KCNJ3: variants seen among roughly 807,000 people sequenced by gnomAD.
KCNJ3 encodes G protein-activated inward rectifier potassium channel 1.
A neutral mutation model predicts 39.2 loss-of-function variants in KCNJ3; 4 were observed. The ratio of observed to expected loss-of-function variants is 0.10; its 90% CI spans 0.05 to 0.23. KCNJ3 has a LOEUF of 0.23. Among genes scored for constraint, KCNJ3 ranks in the 10% least tolerant of loss-of-function variants. The pLI, the probability that KCNJ3 is intolerant of heterozygous loss-of-function variation, is 1.00. For missense variants in KCNJ3, 276 were observed against 634.9 expected (o/e 0.43, Z 6.08); for synonymous variants, 230 against 237.4 (o/e 0.97, Z 0.29).
chr2:154,734,448 A>G (rs1558859604), intron 2 of KCNJ3, among the ~76,000 whole-genome samples: 1 of 152,188 alleles, frequency 6.6e-6, no homozygotes, highest in Admixed American at 6.6e-5. Flanking sequence ...TCCTCTGCAA[A>G]CAGTGAATTA....
At chr2:154,745,131 C>G (rs1175943122) in intron 2 of KCNJ3, among the ~76,000 whole-genome samples, 1 of 151,868 alleles carries the variant, frequency 6.6e-6, no homozygotes, top group Non-Finnish European at 1.5e-5. Flanking sequence ...GAGGCTTGTT[C>G]TATGGTCCAG....
intron 2 of KCNJ3, among the ~76,000 whole-genome samples, chr2:154,775,670 C>T (rs1686320348): frequency 6.6e-6 from 1 of 152,126 alleles, no homozygotes; most frequent in Non-Finnish European, 1.5e-5. Flanking sequence ...ATAAATGTCA[C>T]TATGTACCTC....
At chr2:154,833,839 GTTCC>G (rs1469471192) in intron 2 of KCNJ3, among the ~76,000 whole-genome samples, 1 of 151,822 alleles carries the variant, frequency 6.6e-6, no homozygotes, top group Non-Finnish European at 1.5e-5. Context: ...TGTATTTAAG[GTTCC>G]TTCATGTTTT....
chr2:154,708,761 A>G (rs957785077), intron 1 of KCNJ3, among the ~76,000 whole-genome samples: 5 of 152,324 alleles, frequency 3.3e-5, no homozygotes, highest in African/African-American at 1.2e-4. Context: ...GAACCCTAGC[A>G]TGCAAGCAAT....
intron 2 of KCNJ3, among the ~76,000 whole-genome samples, chr2:154,779,246 C>G (rs2105201843): frequency 6.6e-6 from 1 of 151,524 alleles, no homozygotes; most frequent in South Asian, 2.1e-4. Flanking sequence ...TACCTCTAGC[C>G]CAGAAGTGAT....
chr2:154,747,575 A>G (rs1413366165), intron 2 of KCNJ3, among the ~76,000 whole-genome samples: 1 of 151,906 alleles, frequency 6.6e-6, no homozygotes, highest in South Asian at 2.1e-4. Context: ...TACAAGTCTG[A>G]GCTCTCCTTA....
intron 2 of KCNJ3, among the ~76,000 whole-genome samples, chr2:154,802,202 A>G (rs2105217344): frequency 6.7e-6 from 1 of 149,710 alleles, no homozygotes; most frequent in East Asian, 2.0e-4. Context: ...TTTTTTTTCT[A>G]AGACAACAAG....
Position 154,699,123 on chromosome 2 carries a change from C to T in KCNJ3, c.348C>T (p.His116=), listed in dbSNP as rs372475497. 9 of 1,614,244 alleles carry T rather than the reference C, an allele frequency of 5.6e-6. No homozygotes were observed. The Admixed American group carries it at 6.7e-5, about 12-fold the overall frequency. Residue 116 remains histidine (H), a synonymous_variant, in exon 1 of 3, where the codon CAC becomes CAT. Transcript: ENST00000295101. This position sits in a 1 kb window ranked among gnomAD's most constrained non-coding sequence, Gnocchi z 6.4. The part of the protein sequence containing the change: ...AYTRGDLNKA[H]VGNYTPCVAN... ...CTCGGGGCGACCTGAACAAAGCCCA[C>T]GTCGGTAACTACACGCCTTGCGTGG... is the stretch of plus-strand genomic sequence containing the variant.
intron 2 of KCNJ3, among the ~76,000 whole-genome samples, chr2:154,734,694 G>C (rs976807181): frequency 4.6e-5 from 7 of 152,170 alleles, no homozygotes; most frequent in Non-Finnish European, 7.3e-5. Flanking sequence ...GAAGGAAAGA[G>C]GGTGAGGGAG....
At chr2:154,791,469 T>A (rs1201333863) in intron 2 of KCNJ3, among the ~76,000 whole-genome samples, 2 of 151,962 alleles carry the variant, frequency 1.3e-5, no homozygotes, top group Admixed American at 1.3e-4. Flanking sequence ...GAATGTGCAT[T>A]CAAGAGAGGT....
chr2:154,849,503 A>G (rs1169445799), intron 2 of KCNJ3, among the ~76,000 whole-genome samples: 2 of 151,580 alleles, frequency 1.3e-5, no homozygotes, highest in Non-Finnish European at 2.9e-5. Context: ...CTCTCCCCCA[A>G]TCTCCCGCAA....
At chr2:154,782,880 A>G (rs1343230162) in intron 2 of KCNJ3, among the ~76,000 whole-genome samples, 1 of 152,148 alleles carries the variant, frequency 6.6e-6, no homozygotes, top group Non-Finnish European at 1.5e-5. Context: ...TTTAAATCCT[A>G]AAAGAGTACT....
At chr2:154,739,872 A>G (rs1306425834) in intron 2 of KCNJ3, among the ~76,000 whole-genome samples, 1 of 152,054 alleles carries the variant, frequency 6.6e-6, no homozygotes, top group African/African-American at 2.4e-5. Flanking sequence ...CTATTTGGCA[A>G]ATAACTCAGT....
At chr2:154,727,937 T>G (rs974808997) in intron 2 of KCNJ3, among the ~76,000 whole-genome samples, 2 of 150,342 alleles carry the variant, frequency 1.3e-5, no homozygotes, top group Non-Finnish European at 3.0e-5. Flanking sequence ...ATAATATATA[T>G]TTATTTAAAG....
intron 2 of KCNJ3, among the ~76,000 whole-genome samples, chr2:154,844,929 G>C (rs1158577521): frequency 6.6e-6 from 1 of 152,084 alleles, no homozygotes; most frequent in Non-Finnish European, 1.5e-5. Context: ...TGCCCTGCCT[G>C]CTTCAGCTCG....
At chr2:154,826,455 G>A (rs922160155) in intron 2 of KCNJ3, among the ~76,000 whole-genome samples, 1 of 152,144 alleles carries the variant, frequency 6.6e-6, no homozygotes, top group Non-Finnish European at 1.5e-5. Context: ...GAAGACACTA[G>A]TCATTTGCAG....
intron 2 of KCNJ3, among the ~76,000 whole-genome samples, chr2:154,747,792 G>C (rs1423359382): frequency 2.0e-5 from 3 of 152,190 alleles, no homozygotes; most frequent in African/African-American, 7.2e-5. Context: ...ATAAAGGCCT[G>C]TTGTTTGATA....
At position 154,734,755 on chromosome 2, in the gene KCNJ3, G is replaced by GA. The variant is rs1349836533; in HGVS notation, c.919+24943dup. Among the ~76,000 whole-genome samples the GA allele has an allele frequency of 8.5e-5, 13 of 152,080 alleles. No homozygotes were observed. In the East Asian group the frequency reaches 2.3e-3, roughly 27 times the overall value. On this transcript the variant is annotated intron_variant, in intron 2 of 2. Transcript: ENST00000295101. ...CTACACATCCCTATTGATATAGAAT[G>GA]AAAAAAACATTGAGAGTGAGGTTTG...
chr2:154,846,793 T>C (rs1054826847), intron 2 of KCNJ3, among the ~76,000 whole-genome samples: 1 of 152,208 alleles, frequency 6.6e-6, no homozygotes, highest in African/African-American at 2.4e-5. Context: ...ATTTCTTCTT[T>C]TGTTCTGGGA....
Sources: gnomAD v4.1 joint callset for allele counts (sites outside exome capture counted in the v4.1 genomes callset) on GRCh38, gnomAD v4.1.1 for gene constraint, Gnocchi (gnomAD v3.1) non-coding constraint, MANE v1.5 for transcripts, NCBI Gene and HGNC (gene_info 2026-07-23, HGNC 2026-07-21) for gene names.